GRIP1: variants seen among roughly 807,000 people sequenced by gnomAD.
The protein encoded by GRIP1 is glutamate receptor interacting protein 1.
Under a neutral mutation model 129.9 loss-of-function variants are expected in GRIP1, and 45 were observed. That is an observed-to-expected ratio of 0.35 (90% CI 0.27 to 0.44). The LOEUF is 0.44. Among genes scored for constraint, GRIP1 ranks in the 20% least tolerant of loss-of-function variants. GRIP1 has a pLI of 1.00. For missense variants in GRIP1, 1,196 were observed against 1,396.8 expected (o/e 0.86, Z 2.29); for synonymous variants, 530 against 520.8 (o/e 1.02, Z -0.24).
intron 23 of GRIP1, among the ~76,000 whole-genome samples, chr12:66,359,131 ACT>A (rs1314209267): frequency 2.6e-5 from 4 of 151,902 alleles, no homozygotes; most frequent in African/African-American, 9.7e-5. Context: ...AGTCCTGCAG[ACT>A]CTGTGCCTAC....
chr12:66,635,385 T>C (rs1565928552), intron 1 of GRIP1, among the ~76,000 whole-genome samples: 1 of 151,748 alleles, frequency 6.6e-6, no homozygotes, highest in East Asian at 1.9e-4. Context: ...GATCATACCA[T>C]TGTACTCTAG....
At position 66,868,214 on chromosome 12, in the gene GRIP1, T is replaced by C. The variant is rs79180672; in HGVS notation, c.58+200836A>G. ...ATCAGAAGACCAAGGGGGAAATGCA[T>C]GCTGTTGACCAGATAAAACAGAGAG... On this transcript the variant is annotated intron_variant, in intron 1 of 1. Transcript: ENST00000643019. Among the ~76,000 whole-genome samples the C allele has an allele frequency of 1.7e-4, 26 of 152,180 alleles. 1 individual carries two copies. In the East Asian group the frequency reaches 5.0e-3, roughly 29 times the overall value.
intron 1 of GRIP1, among the ~76,000 whole-genome samples, chr12:66,940,884 T>C (rs1592371162): frequency 1.3e-5 from 2 of 152,310 alleles, no homozygotes; most frequent in Admixed American, 1.3e-4. Context: ...AATAACCTGC[T>C]TTAAATTCTT....
At chr12:66,682,858 TTTC>T (rs1218333389), upstream of GRIP1, among the ~76,000 whole-genome samples, 44 of 152,336 alleles carry the variant, frequency 2.9e-4, no homozygotes, top group Admixed American at 3.3e-4. Context: ...TAATTTGCAC[TTTC>T]TTCAACTTCA....
At chr12:67,026,503 A>G (rs951601929) in intron 1 of GRIP1, among the ~76,000 whole-genome samples, 1 of 152,248 alleles carries the variant, frequency 6.6e-6, no homozygotes, top group African/African-American at 2.4e-5. Context: ...TAAAACACGT[A>G]GGCCCTTAGA....
chr12:66,347,801 T>C lies in GRIP1; in HGVS notation c.*1218A>G, dbSNP rs2054042268. 2 of 152,214 alleles carry C rather than the reference T, an allele frequency of 1.3e-5. No individual in the cohort carries two copies. The highest frequency in any genetic ancestry group is 1.3e-4 in the Admixed American group (2 of 15,280). 9.4% of individuals were successfully genotyped at this position (152,214 alleles called of 1,614,324 possible). A position where few individuals can be genotyped will look rare whatever the true frequency, so the allele number is the denominator to read the frequency against. On this transcript the variant is annotated 3_prime_UTR_variant, in exon 25 of 25. Transcript: ENST00000359742. ...TTAAACAAAGGACACAGTGTTCGAATACTTTGCCTAAGTGGTAGTTTGAAT... is the reference window on the plus strand; with the variant it reads ...TTAAACAAAGGACACAGTGTTCGAACACTTTGCCTAAGTGGTAGTTTGAAT...
intron 19 of GRIP1, among the ~76,000 whole-genome samples, chr12:66,380,736 A>T (rs74764341): frequency 0.016 from 2,378 of 152,282 alleles, 63 homozygotes; most frequent in African/African-American, 0.054. Context: ...TAAAATTATT[A>T]TGGGGGTTCA....
chr12:66,369,764 G>A (rs968222350), intron 23 of GRIP1, among the ~76,000 whole-genome samples: 5 of 152,154 alleles, frequency 3.3e-5, no homozygotes, highest in Non-Finnish European at 4.4e-5. Flanking sequence ...GGTGCCAGCC[G>A]TCTTCTTGGT....
chr12:66,937,748 T>C (rs1164869333), intron 1 of GRIP1, among the ~76,000 whole-genome samples: 1 of 152,116 alleles, frequency 6.6e-6, no homozygotes, highest in African/African-American at 2.4e-5. Context: ...CAATAGATAT[T>C]AGAGTTTCCA....
intron 1 of GRIP1, among the ~76,000 whole-genome samples, chr12:66,936,255 A>G (rs879207133): frequency 6.6e-6 from 1 of 152,034 alleles, no homozygotes; most frequent in Non-Finnish European, 1.5e-5. Context: ...CCTTGTCTCT[A>G]CAAAAAACAG....
chr12:66,895,935 A>C (rs868216412), intron 1 of GRIP1, among the ~76,000 whole-genome samples: 7 of 152,200 alleles, frequency 4.6e-5, no homozygotes, highest in Non-Finnish European at 1.0e-4. Context: ...GGGAAAGTTA[A>C]AATTCCTGTC....
At chr12:66,574,262 G>A (rs916450885) in intron 2 of GRIP1, among the ~76,000 whole-genome samples, 3 of 152,114 alleles carry the variant, frequency 2.0e-5, no homozygotes, top group Non-Finnish European at 4.4e-5. Flanking sequence ...TCATTATAGC[G>A]GTTTTAAAAA....
chr12:66,409,489 G>A (rs896528086), intron 15 of GRIP1, among the ~76,000 whole-genome samples: 9 of 152,192 alleles, frequency 5.9e-5, no homozygotes, highest in Admixed American at 3.3e-4. Flanking sequence ...CCCTAATGGA[G>A]ATACAGGTGA....
intron 1 of GRIP1, among the ~76,000 whole-genome samples, chr12:66,718,015 T>C (rs2035945749): frequency 1.3e-5 from 2 of 152,118 alleles, no homozygotes; most frequent in South Asian, 4.1e-4. Flanking sequence ...TGCAGGGTCA[T>C]CACAACACAG....
At chr12:67,040,281 A>G (rs2043157747) in intron 1 of GRIP1, among the ~76,000 whole-genome samples, 1 of 150,918 alleles carries the variant, frequency 6.6e-6, no homozygotes, top group Non-Finnish European at 1.5e-5. Flanking sequence ...TACTCCAGCA[A>G]GTTTCTGAAG....
intron 13 of GRIP1, among the ~76,000 whole-genome samples, chr12:66,437,503 G>A (rs2058345750): frequency 6.6e-6 from 1 of 152,140 alleles, no homozygotes; most frequent in African/African-American, 2.4e-5. Context: ...GAACAATCAA[G>A]GGCAGTGGGA....
chr12:66,908,805 G>T (rs2040979787), intron 1 of GRIP1, among the ~76,000 whole-genome samples: 2 of 152,170 alleles, frequency 1.3e-5, no homozygotes, highest in South Asian at 4.1e-4. Flanking sequence ...CTTCATTGCA[G>T]ATCTAAGAGT....
intron 1 of GRIP1, among the ~76,000 whole-genome samples, chr12:66,998,758 C>A (rs776798309): frequency 6.6e-6 from 1 of 152,100 alleles, no homozygotes; most frequent in African/African-American, 2.4e-5. Flanking sequence ...AAACACCAAC[C>A]TTTTTAGCTG....
intron 2 of GRIP1, among the ~76,000 whole-genome samples, chr12:66,578,134 G>A (rs1488572642): frequency 4.0e-5 from 6 of 151,596 alleles, no homozygotes; most frequent in African/African-American, 1.2e-4. Context: ...AGGCATGGTG[G>A]CTCAGGCCTG....
Sources: gnomAD v4.1 joint callset for allele counts (sites outside exome capture counted in the v4.1 genomes callset) on GRCh38, gnomAD v4.1.1 for gene constraint, MANE v1.5 for transcripts, NCBI Gene and HGNC (gene_info 2026-07-23, HGNC 2026-07-21) for gene names.